YTHDF1: variants seen among roughly 807,000 people sequenced by gnomAD.
YTHDF1 encodes the protein YTH N6-methyladenosine RNA binding protein F1, also known as YTH domain-containing family protein 1.
A neutral mutation model predicts 49.1 loss-of-function variants in YTHDF1; 16 were observed. The ratio of observed to expected loss-of-function variants is 0.33; its 90% confidence interval spans 0.22 to 0.49. YTHDF1 has a LOEUF of 0.49. Ranked by LOEUF, YTHDF1 falls within the 20% of genes least tolerant of loss-of-function variation. The probability of loss-of-function intolerance (pLI) is 0.99; values close to 1 mark genes in which losing one functional copy is unlikely to be tolerated. For missense variants in YTHDF1, 621 were observed against 744.3 expected, an observed-to-expected ratio of 0.83 and a Z score of 1.93; for synonymous variants, 313 against 290.1, an observed-to-expected ratio of 1.08 and a Z score of -0.80.
intron 3 of YTHDF1, among the ~76,000 whole-genome samples, chr20:63,213,339 G>A (rs1449470153): frequency 2.0e-5 from 3 of 152,220 alleles, no homozygotes; most frequent in Non-Finnish European, 4.4e-5. Flanking sequence ...GGCTGAGGCA[G>A]GAGGAATGCT....
chr20:63,202,940 T>G lies in YTHDF1; in HGVS notation c.1000A>C (p.Arg334=). 1.2e-6 allele frequency: 2 copies of G among 1,614,080 alleles called. No individual in the cohort carries two copies. Among genetic ancestry groups the G allele is most frequent in the South Asian group, 2.2e-5 (2 of 91,088 alleles). ...CCGCTCTGCCCAAACGCCGCGTTTC[T>G]GTTGCGTGGGGCAACCCAGCGGGTC... ...PQTRWVAPRN[R]NAAFGQSGGA... is the part of the protein sequence containing the mutation. Residue 334 remains arginine, a synonymous_variant, in exon 4 of 5, where the codon AGA becomes CGA. Coordinates refer to ENST00000370339, the MANE Select transcript of YTHDF1 (RefSeq NM_017798.4).
intron 3 of YTHDF1, among the ~76,000 whole-genome samples, chr20:63,210,709 G>A (rs2122989617): frequency 6.6e-6 from 1 of 152,184 alleles, no homozygotes; most frequent in South Asian, 2.1e-4. Flanking sequence ...AATCACTTGA[G>A]CCAGGGAGGT....
At chr20:63,215,494 G>T in intron 2 of YTHDF1, 83 bp downstream of exon 2, 1 of 1,586,614 alleles carries the variant, frequency 6.3e-7, no homozygotes. Context: ...AAAGTTTCCG[G>T]TTCCAGACGC....
rs2066522334 is a variant in YTHDF1 at position 63,202,505 on chromosome 20, T to C, written c.1435A>G (p.Ile479Val). 6 of 1,614,186 alleles carry C rather than the reference T, an allele frequency of 3.7e-6. No individual in the cohort carries two copies. The highest frequency in any genetic ancestry group is 5.1e-6 in the Non-Finnish European group (6 of 1,180,006). Residue 479 changes from isoleucine (I) to valine (V), a missense_variant, in exon 4 of 5, where the codon ATT becomes GTT. By Grantham distance (29) the Ile-to-Val change is conservative. This residue lies in a region of YTHDF1 where 151 missense variants were observed against 248.5 expected (regional missense o/e 0.61). Coordinates refer to ENST00000370339, the MANE Select transcript of YTHDF1 (RefSeq NM_017798.4). ...KWKGKFDVQW[I>V]FVKDVPNNQL... is the part of the protein sequence containing the mutation. Reference sequence around the variant, plus strand: ...TTATTGGGTACATCCTTAACAAAAATCCACTGGACATCAAACTTCCCCTTC... The same window carrying C: ...TTATTGGGTACATCCTTAACAAAAACCCACTGGACATCAAACTTCCCCTTC...
chr20:63,195,903 T>A lies in YTHDF1; in HGVS notation c.*805A>T, dbSNP rs2066490314. 1 of 152,200 alleles carries A rather than the reference T, an allele frequency of 6.6e-6. No individual in the cohort carries two copies. Among genetic ancestry groups the A allele is most frequent in the Non-Finnish European group, 1.5e-5 (1 of 68,040 alleles). 9.4% of individuals were successfully genotyped at this position (152,200 alleles called of 1,614,324 possible). A position where few individuals can be genotyped will look rare whatever the true frequency, so the allele number is the denominator to read the frequency against. ...CAGATCCTACACTTAAAGCTCAGCA[T>A]TATTGGTATAAAAACTTAAGACGGC... On this transcript the variant is annotated 3_prime_UTR_variant, in exon 5 of 5. Transcript: ENST00000370339.
chr20:63,197,601 C>T (rs939847307), intron 4 of YTHDF1, among the ~76,000 whole-genome samples: 6 of 152,054 alleles, frequency 3.9e-5, no homozygotes, highest in African/African-American at 1.2e-4. Context: ...TGTCCCAGGC[C>T]GAGTGTGGTG....
At chr20:63,206,831 A>G (rs139531405) in intron 3 of YTHDF1, among the ~76,000 whole-genome samples, 1 of 152,358 alleles carries the variant, frequency 6.6e-6, no homozygotes, top group East Asian at 1.9e-4. Flanking sequence ...GTCATTCTGT[A>G]CATAAGAAAA....
At chr20:63,196,878 C>G in intron 4 of YTHDF1, 144 bp from the exon 5 acceptor site, 1 of 859,348 alleles carries the variant, frequency 1.2e-6, no homozygotes, top group Non-Finnish European at 1.8e-6. Flanking sequence ...CACCAGCACA[C>G]AACTCTGAGC....
chr20:63,196,870 C>A, intron 4 of YTHDF1, 136 bp from the exon 5 acceptor site: 1 of 949,646 alleles, frequency 1.1e-6, no homozygotes, highest in Admixed American at 2.3e-5. Flanking sequence ...CCAAGCCACA[C>A]CAGCACACAA....
At chr20:63,206,234 A>C (rs1568992790) in intron 3 of YTHDF1, among the ~76,000 whole-genome samples, 1 of 152,150 alleles carries the variant, frequency 6.6e-6, no homozygotes, top group Non-Finnish European at 1.5e-5. Context: ...GGAAAAAAAG[A>C]CCTCGATGGC....
At chr20:63,204,344 C>T (rs2066534529) in intron 3 of YTHDF1, among the ~76,000 whole-genome samples, 1 of 152,220 alleles carries the variant, frequency 6.6e-6, no homozygotes, top group African/African-American at 2.4e-5. Context: ...TGACATTCCT[C>T]CTGGGACACT....
rs1568996439 is a variant in YTHDF1 at position 63,216,016 on chromosome 20, G to C, written c.-124C>G. 3 of 887,090 alleles carry C rather than the reference G, an allele frequency of 3.4e-6. No individual in the cohort carries two copies. Among genetic ancestry groups the C allele is most frequent in the Non-Finnish European group, 4.1e-6 (3 of 735,696 alleles). The allele number at this position is 887,090 out of a possible 1,614,324, so 55.0% of individuals were successfully genotyped here. On this transcript the variant is annotated 5_prime_UTR_variant, in exon 1 of 5. Transcript: ENST00000370339. ...GCCGCCAATTCCCCGGGCGCCGGCC[G>C]GGCGGCGGCGGCGGCTGCTGGGCGC...
chr20:63,215,962 T>C lies in YTHDF1; in HGVS notation c.-70A>G. The C allele has an allele frequency of 8.4e-7, 1 of 1,192,654 alleles. No homozygotes were observed. The highest frequency in any genetic ancestry group is 1.0e-6 in the Non-Finnish European group (1 of 961,676). 73.9% of individuals were successfully genotyped at this position (1,192,654 alleles called of 1,614,324 possible). On this transcript the variant is annotated 5_prime_UTR_variant, in exon 1 of 5. Transcript: ENST00000370339. ...GGGCCTCCCCTAGAGGCCGGGCCTG[T>C]CACCCTAGCTCGCGCGGCCCCGGGC...
intron 4 of YTHDF1, 112 bp downstream of exon 4, chr20:63,202,175 A>T (rs2066520328): frequency 1.4e-6 from 2 of 1,414,132 alleles, no homozygotes; most frequent in Admixed American, 2.2e-5. Flanking sequence ...GCTGCCTGTC[A>T]CGAGACTCAG....
rs922164847 is a variant in YTHDF1 at position 63,202,471 on chromosome 20, C to T, written c.1469G>A (p.Arg490Gln). ...GTCGTTATTCTCCAGCCTGATGTGC[C>T]GGAGCTGGTTATTGGGTACATCCTT... is the stretch of plus-strand genomic sequence containing the variant. The part of the protein sequence containing the change: ...FVKDVPNNQL[R>Q]HIRLENNDNK... Residue 490 changes from arginine to glutamine, a missense_variant, in exon 4 of 5, where the codon CGG (arginine) becomes CAG (glutamine). Coordinates refer to ENST00000370339, the MANE Select transcript of YTHDF1 (RefSeq NM_017798.4). The T allele has an allele frequency of 6.2e-7, 1 of 1,614,274 alleles. No homozygotes were observed. Among genetic ancestry groups the T allele is most frequent in the Non-Finnish European group, 8.5e-7 (1 of 1,180,048 alleles).
chr20:63,198,941 G>A (rs1412776366), intron 4 of YTHDF1, among the ~76,000 whole-genome samples: 2 of 152,174 alleles, frequency 1.3e-5, no homozygotes, highest in African/African-American at 4.8e-5. Context: ...TATCAACCCA[G>A]GACTTGGTCT....
At position 63,215,886 on chromosome 20, in the gene YTHDF1, C is replaced by T; in HGVS notation, c.7G>A (p.Ala3Thr). Residue 3 changes from alanine to threonine, a missense_variant, in exon 1 of 5, where the codon GCC (alanine) becomes ACC (threonine). Around this residue, in one of 2 missense-constraint regions of YTHDF1, gnomAD observed 470 missense variants for 495.8 expected, o/e 0.95. Coordinates refer to ENST00000370339, the MANE Select transcript of YTHDF1 (RefSeq NM_017798.4). The part of the protein sequence containing the change: MS[A>T]TSVDTQRTKG... Reference sequence around the variant, plus strand: ...GCTACCTGGGTGTCCACGCTGGTGGCCGACATGCTTCATGAACAACTAGAC... The same window carrying T: ...GCTACCTGGGTGTCCACGCTGGTGGTCGACATGCTTCATGAACAACTAGAC... The T allele has an allele frequency of 6.9e-7, 1 of 1,447,444 alleles. No homozygotes were observed. Among genetic ancestry groups the T allele is most frequent in the Non-Finnish European group, 9.1e-7 (1 of 1,099,578 alleles). The allele number at this position is 1,447,444 out of a possible 1,614,324, so 89.7% of individuals were successfully genotyped here. A position where few individuals can be genotyped will look rare whatever the true frequency, so the allele number is the denominator to read the frequency against.
At chr20:63,202,131 G>A (rs796809773) in intron 4 of YTHDF1, among the ~76,000 whole-genome samples, 156 bp downstream of exon 4, 1 of 152,258 alleles carries the variant, frequency 6.6e-6, no homozygotes, top group Non-Finnish European at 1.5e-5. Context: ...GAGGCTGCCA[G>A]GACCTGGGCC....
chr20:63,200,145 G>A (rs530924212), intron 4 of YTHDF1, among the ~76,000 whole-genome samples: 2 of 152,256 alleles, frequency 1.3e-5, no homozygotes, highest in East Asian at 1.9e-4. Context: ...CAGATCACTT[G>A]AGGTCAAGAG....
Sources: gnomAD v4.1 joint callset for allele counts (sites outside exome capture counted in the v4.1 genomes callset) on GRCh38, gnomAD v4.1.1 for gene constraint, gnomAD v4.1.1 regional missense constraint, MANE v1.5 for transcripts, NCBI Gene and HGNC (gene_info 2026-07-23, HGNC 2026-07-21) for gene names.